The following SDK1 variants were observed in gnomAD, a reference collection of about 807,000 sequenced individuals.
SDK1 encodes sidekick cell adhesion molecule 1.
Under a neutral mutation model 245.5 loss-of-function variants are expected in SDK1, and 157 were observed. The ratio of observed to expected loss-of-function variants is 0.64; its 90% CI spans 0.56 to 0.73. SDK1 has a LOEUF of 0.73. Ranked by LOEUF, SDK1 falls within the 30% of genes least tolerant of loss-of-function variation. The pLI, the probability that SDK1 is intolerant of heterozygous loss-of-function variation, is 0.00. For synonymous variants in SDK1, 1,647 were observed against 1,278.5 expected (o/e 1.29, Z -6.15); for missense variants, 3,583 against 3,002.3 (o/e 1.19, Z -4.52).
At chr7:4,225,445 C>T (rs1785377807) in intron 40 of SDK1, among the ~76,000 whole-genome samples, 2 of 152,168 alleles carry the variant, frequency 1.3e-5, no homozygotes, top group African/African-American at 2.4e-5. Flanking sequence ...CAGCCAGACA[C>T]GGGTGCCTGG....
At chr7:3,512,748 GT>G (rs1326475363) in intron 1 of SDK1, among the ~76,000 whole-genome samples, 2 of 152,042 alleles carry the variant, frequency 1.3e-5, no homozygotes, top group African/African-American at 4.8e-5. Context: ...TTTCCTTCCT[GT>G]CTTTTTATTT....
At chr7:3,779,722 G>C (rs1345844239) in intron 4 of SDK1, among the ~76,000 whole-genome samples, 1 of 151,802 alleles carries the variant, frequency 6.6e-6, no homozygotes, top group Non-Finnish European at 1.5e-5. Context: ...CATGAGGTCA[G>C]GAGATCGAGA....
At chr7:3,421,619 A>AATGGACATTTT (rs902013932) in intron 1 of SDK1, among the ~76,000 whole-genome samples, 7 of 152,132 alleles carry the variant, frequency 4.6e-5, no homozygotes, top group African/African-American at 1.4e-4. Flanking sequence ...ATTAGTGGAG[A>AATGGACATTTT]ATGGACATTT....
rs375603158 is a variant in SDK1 at position 4,149,722 on chromosome 7, C to T, written c.4625+259C>T. Among the ~76,000 whole-genome samples the T allele has an allele frequency of 1.3e-3, 197 of 152,050 alleles. 1 individual carries two copies. Among genetic ancestry groups the T allele is most frequent in the Admixed American group, 1.5e-3 (23 of 15,276 alleles). Reference sequence around the variant, plus strand: ...AGGGCTGGTTTGGTCACCCCAGGACCCAGGGATTGGCGAGGCAGGGGTGAT... The same window carrying T: ...AGGGCTGGTTTGGTCACCCCAGGACTCAGGGATTGGCGAGGCAGGGGTGAT... On this transcript the variant is annotated intron_variant, in intron 30 of 44. Coordinates refer to ENST00000404826, the MANE Select transcript of SDK1 (RefSeq NM_152744.4).
intron 25 of SDK1, among the ~76,000 whole-genome samples, chr7:4,116,848 G>C (rs754271966): frequency 6.6e-5 from 10 of 152,206 alleles, no homozygotes; most frequent in Non-Finnish European, 1.2e-4. Flanking sequence ...GTGTGCTTCT[G>C]AGAGGACCAG....
rs112049949 is a variant in SDK1 at position 3,440,170 on chromosome 7, G to A, written c.298+138286G>A. On this transcript the variant is annotated intron_variant, in intron 1 of 44. Coordinates refer to ENST00000404826, the MANE Select transcript of SDK1 (RefSeq NM_152744.4). ...GTCCTGAGTAGTGTGATGGAATCTCGCACCATCCCTTGTGCCCTGTAAAAT... is the reference window on the plus strand; with the variant it reads ...GTCCTGAGTAGTGTGATGGAATCTCACACCATCCCTTGTGCCCTGTAAAAT... Among the ~76,000 whole-genome samples, 148 of 152,242 alleles carry A rather than the reference G, an allele frequency of 9.7e-4. 1 individual carries two copies. The highest frequency in any genetic ancestry group is 2.9e-3 in the African/African-American group (122 of 41,544).
intron 1 of SDK1, among the ~76,000 whole-genome samples, chr7:3,444,728 C>T (rs1025454211): frequency 2.6e-5 from 4 of 152,128 alleles, no homozygotes; most frequent in Non-Finnish European, 5.9e-5. Flanking sequence ...GGCCAGTCCC[C>T]AGCTAAATTG....
chr7:4,123,772 C>T (rs1784214425), intron 25 of SDK1, among the ~76,000 whole-genome samples: 1 of 152,090 alleles, frequency 6.6e-6, no homozygotes, highest in African/African-American at 2.4e-5. Context: ...ACAGGCATCA[C>T]TGGGGGTTTT....
intron 32 of SDK1, among the ~76,000 whole-genome samples, chr7:4,173,251 C>G (rs547720848): frequency 2.0e-5 from 3 of 152,334 alleles, no homozygotes; most frequent in East Asian, 1.9e-4. Flanking sequence ...AGACCAGATG[C>G]TCGGAGGCTC....
intron 19 of SDK1, among the ~76,000 whole-genome samples, chr7:4,053,509 C>A (rs1282703328): frequency 1.3e-5 from 2 of 152,146 alleles, no homozygotes; most frequent in African/African-American, 4.8e-5. Context: ...CAAATATGTT[C>A]AGGTCTCCCT....
intron 16 of SDK1, among the ~76,000 whole-genome samples, chr7:4,014,328 G>C (rs1228619644): frequency 6.6e-6 from 1 of 152,358 alleles, no homozygotes; most frequent in South Asian, 2.1e-4. Flanking sequence ...GATGGGGTCA[G>C]TAGAGTTGGG....
At chr7:4,175,710 C>A in intron 33 of SDK1, 65 bp from the exon 34 acceptor site, 1 of 1,338,044 alleles carries the variant, frequency 7.5e-7, no homozygotes, top group Admixed American at 1.7e-5. Flanking sequence ...GTTCCTGCCG[C>A]ACATCACCTG....
At chr7:3,757,203 G>C (rs1779957000) in intron 4 of SDK1, among the ~76,000 whole-genome samples, 1 of 151,952 alleles carries the variant, frequency 6.6e-6, no homozygotes, top group Admixed American at 6.6e-5. Context: ...ACTTTGAATC[G>C]GGGTTCCCAA....
chr7:3,464,628 AAAC>A (rs1369574537), intron 1 of SDK1, among the ~76,000 whole-genome samples: 1 of 152,016 alleles, frequency 6.6e-6, no homozygotes, highest in Non-Finnish European at 1.5e-5. Context: ...TCAACATTTA[AAAC>A]AAGGATAATA....
chr7:3,633,308 T>C (rs1782354621), intron 2 of SDK1, among the ~76,000 whole-genome samples: 1 of 152,204 alleles, frequency 6.6e-6, no homozygotes, highest in South Asian at 2.1e-4. Context: ...ATTTTTTTCT[T>C]ATGAATCAAA....
chr7:3,554,905 A>G (rs1014989783), intron 1 of SDK1, among the ~76,000 whole-genome samples: 2 of 152,202 alleles, frequency 1.3e-5, no homozygotes, highest in African/African-American at 2.4e-5. Context: ...AAGGAAAACT[A>G]TAAAACTTTT....
Position 4,266,146 on chromosome 7 carries a change from C to G in SDK1, c.*762C>G. 1 of 985,540 alleles carries G rather than the reference C, an allele frequency of 1.0e-6. No homozygotes were observed. The highest frequency in any genetic ancestry group is 1.2e-6 in the Non-Finnish European group (1 of 829,976). 61.0% of individuals were successfully genotyped at this position (985,540 alleles called of 1,614,324 possible). Reference sequence around the variant, plus strand: ...CTGGAAGCCACCACGCTGGCCCTCTCCTTCCCCGAACACAGCACACGGTCA... The same window carrying G: ...CTGGAAGCCACCACGCTGGCCCTCTGCTTCCCCGAACACAGCACACGGTCA... On this transcript the variant is annotated 3_prime_UTR_variant, in exon 45 of 45. Transcript: ENST00000404826.
intron 4 of SDK1, among the ~76,000 whole-genome samples, chr7:3,701,557 C>G (rs956303923): frequency 5.3e-5 from 8 of 152,072 alleles, no homozygotes; most frequent in Admixed American, 4.6e-4. Context: ...TATGATCGTG[C>G]TACAGTGCCC....
chr7:4,192,207 C>G (rs1476642528), intron 35 of SDK1, among the ~76,000 whole-genome samples: 1 of 152,148 alleles, frequency 6.6e-6, no homozygotes, highest in Non-Finnish European at 1.5e-5. Context: ...GCTGTCAGTG[C>G]CATTTTCCCA....
Sources: gnomAD v4.1 joint callset for allele counts (sites outside exome capture counted in the v4.1 genomes callset) on GRCh38, gnomAD v4.1.1 for gene constraint, MANE v1.5 for transcripts, NCBI Gene and HGNC (gene_info 2026-07-23, HGNC 2026-07-21) for gene names.